The following UNC13C variants were observed in gnomAD, a reference collection of about 807,000 sequenced individuals.
UNC13C encodes the protein protein unc-13 homolog C.
Under a neutral mutation model 245.4 loss-of-function variants are expected in UNC13C, and 174 were observed. That is an observed-to-expected ratio of 0.71 (90% CI 0.63 to 0.80). The LOEUF is 0.80. UNC13C is among the 30% of genes least tolerant of loss of function. UNC13C has a pLI of 0.00. For missense variants in UNC13C, 2,829 were observed against 2,602.9 expected (o/e 1.09, Z -1.89); for synonymous variants, 992 against 895.1 (o/e 1.11, Z -1.93).
intron 24 of UNC13C, among the ~76,000 whole-genome samples, chr15:54,519,357 T>C (rs530387166): frequency 6.6e-6 from 1 of 152,292 alleles, no homozygotes; most frequent in South Asian, 2.1e-4. Flanking sequence ...ATTCACTAAC[T>C]CAAAACTATA....
intron 7 of UNC13C, among the ~76,000 whole-genome samples, chr15:54,240,741 C>T (rs937432359): frequency 2.0e-5 from 3 of 152,142 alleles, no homozygotes; most frequent in Non-Finnish European, 4.4e-5. Context: ...TGAAAATTTC[C>T]ATCTAGCTTA....
At chr15:54,328,944 A>T (rs995067071) in intron 14 of UNC13C, among the ~76,000 whole-genome samples, 1 of 152,106 alleles carries the variant, frequency 6.6e-6, no homozygotes, top group Admixed American at 6.6e-5. Flanking sequence ...CATATTGTCT[A>T]TGGCAGCTAC....
chr15:53,911,517 G>T, the UNC13C span: 1 of 152,142 alleles, frequency 6.6e-6, no homozygotes. Context: ...TAGGTAAACA[G>T]TCTGGCAGCG....
At chr15:54,302,662 G>T (rs896342650) in intron 13 of UNC13C, among the ~76,000 whole-genome samples, 2 of 152,104 alleles carry the variant, frequency 1.3e-5, no homozygotes, top group Non-Finnish European at 2.9e-5. Context: ...ATCTGTGTTG[G>T]TACCAGTACC....
intron 2 of UNC13C, among the ~76,000 whole-genome samples, chr15:54,059,520 G>A (rs934106230): frequency 3.9e-5 from 6 of 152,104 alleles, no homozygotes; most frequent in Admixed American, 1.3e-4. Context: ...AATCAATATC[G>A]TGAAAATGGC....
At chr15:54,584,207 A>G (rs1000933397) in intron 30 of UNC13C, among the ~76,000 whole-genome samples, 1 of 152,184 alleles carries the variant, frequency 6.6e-6, no homozygotes, top group African/African-American at 2.4e-5. Flanking sequence ...ACCTAAATAT[A>G]TAAATCGCAA....
intron 4 of UNC13C, among the ~76,000 whole-genome samples, chr15:54,160,356 A>G (rs1381110678): frequency 2.0e-5 from 3 of 150,148 alleles, no homozygotes; most frequent in Admixed American, 6.7e-5. Flanking sequence ...AATGATTAAG[A>G]AAGAAGGATG....
intron 23 of UNC13C, 149 bp downstream of exon 23, chr15:54,507,343 G>A (rs988870819): frequency 5.1e-6 from 3 of 591,732 alleles, no homozygotes; most frequent in Non-Finnish European, 8.8e-6. Context: ...CTTCTCCAGG[G>A]TTCTTGAACT....
chr15:54,242,751 ATAG>A, intron 7 of UNC13C, among the ~76,000 whole-genome samples: 1 of 152,214 alleles, frequency 6.6e-6, no homozygotes, highest in Non-Finnish European at 1.5e-5. Context: ...TAAGTGAATA[ATAG>A]TAATAATAAT....
intron 17 of UNC13C, among the ~76,000 whole-genome samples, chr15:54,374,809 G>A (rs929627627): frequency 2.0e-5 from 3 of 152,208 alleles, no homozygotes; most frequent in Admixed American, 6.5e-5. Flanking sequence ...GGCTGCAGCT[G>A]TCATCTTCAC....
chr15:53,988,344 A>T (rs960257074), intron 1 of UNC13C, among the ~76,000 whole-genome samples: 3 of 151,946 alleles, frequency 2.0e-5, no homozygotes, highest in Non-Finnish European at 2.9e-5. Flanking sequence ...AGGGGATGAT[A>T]TGTATTATTA....
At chr15:54,300,537 T>C (rs984305337) in intron 13 of UNC13C, among the ~76,000 whole-genome samples, 164 bp downstream of exon 13, 12 of 152,182 alleles carry the variant, frequency 7.9e-5, no homozygotes, top group African/African-American at 2.9e-4. Context: ...CTGTAAAGTA[T>C]TAATGACTTG....
chr15:54,428,959 A>G (rs879498442), intron 19 of UNC13C, among the ~76,000 whole-genome samples: 2 of 151,374 alleles, frequency 1.3e-5, no homozygotes, highest in Non-Finnish European at 3.0e-5. Flanking sequence ...CCAGCCCCCA[A>G]TCGGGTCCCG....
At position 54,561,088 on chromosome 15, in the gene UNC13C, C is replaced by T. The variant is rs368181829; in HGVS notation, c.5958+5576C>T. On this transcript the variant is annotated intron_variant, in intron 29 of 32. Coordinates refer to ENST00000260323, the MANE Select transcript of UNC13C (RefSeq NM_001080534.3). The stretch of plus-strand genomic sequence containing the variant: ...GACTATTAAATCTGACTCTTTTCCC[C>T]AAGCAATAGTTCAAATCCTTAAGGC... Among the ~76,000 whole-genome samples the T allele has an allele frequency of 2.0e-4, 31 of 152,012 alleles. No homozygotes were observed. In the East Asian group the frequency reaches 6.1e-3, roughly 30 times the overall value.
At chr15:54,264,486 A>G in intron 9 of UNC13C, 91 bp downstream of exon 9, 1 of 1,029,540 alleles carries the variant, frequency 9.7e-7, no homozygotes, top group Admixed American at 2.7e-5. Context: ...TAGGTAAAAT[A>G]AATGGTTATT....
chr15:54,559,315 T>C (rs1897208113), intron 29 of UNC13C, among the ~76,000 whole-genome samples: 1 of 152,060 alleles, frequency 6.6e-6, no homozygotes, highest in Non-Finnish European at 1.5e-5. Flanking sequence ...TTTATTCCTC[T>C]GTGTTTCTTA....
At chr15:54,163,032 G>A (rs929001914) in intron 4 of UNC13C, among the ~76,000 whole-genome samples, 8 of 152,148 alleles carry the variant, frequency 5.3e-5, no homozygotes, top group Admixed American at 2.6e-4. Flanking sequence ...ACAGCATAAT[G>A]GCCCTGCAAA....
chr15:54,579,884 G>A (rs115506536), intron 30 of UNC13C, among the ~76,000 whole-genome samples: 1,764 of 152,294 alleles, frequency 0.012, 32 homozygotes, highest in African/African-American at 0.04. Flanking sequence ...ATTAAGTGCC[G>A]AGTTAATGAT....
intron 1 of UNC13C, among the ~76,000 whole-genome samples, chr15:53,998,575 A>G (rs1352205618): frequency 1.3e-5 from 2 of 152,220 alleles, no homozygotes; most frequent in East Asian, 3.9e-4. Flanking sequence ...AATGCAATTT[A>G]ATTTTTTTCC....
Sources: allele counts gnomAD v4.1 joint callset (sites outside exome capture counted in the v4.1 genomes callset), GRCh38; gene constraint gnomAD v4.1.1; transcripts MANE v1.5; gene names NCBI Gene and HGNC (gene_info 2026-07-23, HGNC 2026-07-21).